SPAG16: variants seen among roughly 807,000 people sequenced by gnomAD.
SPAG16 encodes the protein sperm-associated antigen 16 protein.
SPAG16 carries 86 observed loss-of-function variants against 80.4 expected under a neutral mutation model. The ratio of observed to expected loss-of-function variants is 1.07; its 90% CI spans 0.90 to 1.28. SPAG16 has a LOEUF of 1.28. Among genes scored for constraint, SPAG16 ranks in the 50% most tolerant of loss-of-function variants. The probability of loss-of-function intolerance (pLI) is 0.00; values close to 1 mark genes in which losing one functional copy is unlikely to be tolerated. For missense variants in SPAG16, 870 were observed against 765.3 expected, an observed-to-expected ratio of 1.14 and a Z score of -1.61; for synonymous variants, 294 against 265.9, an observed-to-expected ratio of 1.11 and a Z score of -1.03.
intron 9 of SPAG16, among the ~76,000 whole-genome samples, chr2:213,428,019 A>G (rs1009099241): frequency 4.6e-5 from 7 of 152,346 alleles, no homozygotes; most frequent in Middle Eastern, 3.4e-3. Flanking sequence ...AACAGCTAAT[A>G]TAGAAGATGG....
At chr2:213,750,643 A>G (rs1370072787) in intron 10 of SPAG16, among the ~76,000 whole-genome samples, 8 of 152,148 alleles carry the variant, frequency 5.3e-5, no homozygotes, top group African/African-American at 1.2e-4. Flanking sequence ...ACCTCTCTCT[A>G]TTCAACCTTT....
intron 15 of SPAG16, among the ~76,000 whole-genome samples, chr2:214,395,887 T>G (rs535477162): frequency 1.4e-4 from 22 of 152,304 alleles, no homozygotes; most frequent in African/African-American, 5.1e-4. Flanking sequence ...CTGCATAGTA[T>G]TCCATGGTAT....
intron 10 of SPAG16, among the ~76,000 whole-genome samples, chr2:213,798,940 T>C (rs1173016093): frequency 2.0e-5 from 3 of 152,250 alleles, no homozygotes; most frequent in Non-Finnish European, 4.4e-5. Flanking sequence ...TATTTACATG[T>C]CTGTCATCAT....
chr2:213,896,584 A>ACACACATG (rs1369645511), intron 11 of SPAG16, among the ~76,000 whole-genome samples: 19 of 73,238 alleles, frequency 2.6e-4, no homozygotes, highest in African/African-American at 7.5e-4. Context: ...ATATATACAC[A>ACACACATG]CACACACGCA....
chr2:213,987,223 C>G (rs2046058083), intron 12 of SPAG16, among the ~76,000 whole-genome samples: 1 of 152,044 alleles, frequency 6.6e-6, no homozygotes, highest in African/African-American at 2.4e-5. Context: ...TTTCACCTGG[C>G]CCTGTCCTTG....
intron 13 of SPAG16, among the ~76,000 whole-genome samples, chr2:214,100,574 C>G (rs1019112875): frequency 2.0e-5 from 3 of 152,038 alleles, no homozygotes; most frequent in African/African-American, 7.2e-5. Context: ...CTTTTGTTCC[C>G]TTCTTTGGGT....
chr2:213,436,419 G>A (rs941354100), intron 9 of SPAG16, among the ~76,000 whole-genome samples: 6 of 152,074 alleles, frequency 3.9e-5, no homozygotes, highest in Non-Finnish European at 7.4e-5. Context: ...GTGTAATACT[G>A]TAGACTTATG....
At chr2:214,212,307 A>C (rs1320300028) in intron 15 of SPAG16, among the ~76,000 whole-genome samples, 4 of 151,658 alleles carry the variant, frequency 2.6e-5, no homozygotes, top group African/African-American at 9.7e-5. Context: ...TGATCCCTTC[A>C]CTTATTTCTT....
At chr2:214,056,537 A>AAG (rs1389266066) in intron 13 of SPAG16, among the ~76,000 whole-genome samples, 3 of 151,818 alleles carry the variant, frequency 2.0e-5, no homozygotes, top group Non-Finnish European at 4.4e-5. Flanking sequence ...GTAAAAAAAA[A>AAG]AAATTCTCAC....
intron 13 of SPAG16, among the ~76,000 whole-genome samples, chr2:214,040,042 A>G (rs2125087160): frequency 6.6e-6 from 1 of 152,314 alleles, no homozygotes; most frequent in East Asian, 1.9e-4. Flanking sequence ...AGGTGGAGCC[A>G]ATGGTCGTCA....
At chr2:213,761,197 T>G (rs2068636840) in intron 10 of SPAG16, among the ~76,000 whole-genome samples, 3 of 152,096 alleles carry the variant, frequency 2.0e-5, no homozygotes, top group Admixed American at 2.0e-4. Context: ...AAAGAGAAAT[T>G]GTAAGGGAAA....
chr2:214,002,899 A>G (rs924297000), intron 12 of SPAG16, among the ~76,000 whole-genome samples: 4 of 152,230 alleles, frequency 2.6e-5, no homozygotes, highest in Admixed American at 6.5e-5. Flanking sequence ...ACCCAGCAGT[A>G]ACATTTTACC....
intron 12 of SPAG16, among the ~76,000 whole-genome samples, chr2:213,973,566 G>C (rs2045198959): frequency 6.6e-6 from 1 of 151,890 alleles, no homozygotes; most frequent in Non-Finnish European, 1.5e-5. Context: ...CTGCAGCAAA[G>C]CCATGGAGAG....
At chr2:213,925,213 C>T (rs1403047009) in intron 11 of SPAG16, among the ~76,000 whole-genome samples, 1 of 152,074 alleles carries the variant, frequency 6.6e-6, no homozygotes, top group East Asian at 1.9e-4. Context: ...TTTCTATATA[C>T]TTACATGTTT....
At chr2:213,608,348 C>T (rs574696668) in intron 10 of SPAG16, among the ~76,000 whole-genome samples, 13 of 152,152 alleles carry the variant, frequency 8.5e-5, no homozygotes, top group Non-Finnish European at 1.5e-4. Context: ...CAACAGTCCC[C>T]GGTGTGTGAT....
At chr2:214,037,316 T>C (rs910886763) in intron 13 of SPAG16, among the ~76,000 whole-genome samples, 2 of 152,166 alleles carry the variant, frequency 1.3e-5, no homozygotes, top group South Asian at 4.1e-4. Context: ...TTAATAAAAG[T>C]TATTTTTGAT....
chr2:213,608,421 G>T (rs1559304906), intron 10 of SPAG16, among the ~76,000 whole-genome samples: 1 of 152,124 alleles, frequency 6.6e-6, no homozygotes, highest in Non-Finnish European at 1.5e-5. Context: ...AGAACATGCG[G>T]TGTTTGGTTT....
intron 15 of SPAG16, among the ~76,000 whole-genome samples, chr2:214,395,983 A>G (rs1465978455): frequency 6.6e-6 from 1 of 152,148 alleles, no homozygotes. Context: ...TAGTGCTGCA[A>G]TGAACACACG....
At chr2:213,464,064 G>A (rs1425528522) in intron 9 of SPAG16, among the ~76,000 whole-genome samples, 1 of 152,142 alleles carries the variant, frequency 6.6e-6, no homozygotes, top group African/African-American at 2.4e-5. Context: ...CATGGGTTTG[G>A]GCCTTTGACA....
Sources: gnomAD v4.1 joint callset for allele counts (sites outside exome capture counted in the v4.1 genomes callset) on GRCh38, gnomAD v4.1.1 for gene constraint, MANE v1.5 for transcripts, NCBI Gene and HGNC (gene_info 2026-07-23, HGNC 2026-07-21) for gene names.